Variants in NOS1 observed in about 807,000 individuals in gnomAD.
The protein encoded by NOS1 is nitric oxide synthase 1.
Under a neutral mutation model 164.5 loss-of-function variants are expected in NOS1, and 51 were observed. That is an observed-to-expected ratio of 0.31 (90% CI 0.25 to 0.39). The LOEUF (loss-of-function observed/expected upper bound fraction) is 0.39, where lower values mean the gene tolerates loss of function less well. NOS1 is among the 10% of genes least tolerant of loss of function. The pLI, the probability that NOS1 is intolerant of heterozygous loss-of-function variation, is 1.00. For synonymous variants in NOS1, 719 were observed against 745.8 expected (o/e 0.96, Z 0.59); for missense variants, 1,362 against 1,885.6 (o/e 0.72, Z 5.14).
rs115745602 is a variant in NOS1 at position 117,316,163 on chromosome 12, C to T, written c.726-4571G>A. Among the ~76,000 whole-genome samples the T allele has an allele frequency of 1.7e-3, 264 of 152,212 alleles. 1 individual carries two copies. The highest frequency in any genetic ancestry group is 5.6e-3 in the African/African-American group (232 of 41,536). On this transcript the variant is annotated intron_variant, in intron 2 of 28. Transcript: ENST00000317775. ...AGTCTATATTGTCAGACAGTGCAGC[C>T]GCTGGAAACCTATTAATGTCTCCAA...
At chr12:117,312,191 GCTTA>G (rs745697362) in intron 2 of NOS1, among the ~76,000 whole-genome samples, 1 of 152,050 alleles carries the variant, frequency 6.6e-6, no homozygotes, top group Non-Finnish European at 1.5e-5. Context: ...TTTATTAAAC[GCTTA>G]CTATGTGCCA....
At chr12:117,292,352 G>A (rs1271584440) in intron 3 of NOS1, among the ~76,000 whole-genome samples, 1 of 152,148 alleles carries the variant, frequency 6.6e-6, no homozygotes, top group Non-Finnish European at 1.5e-5. Context: ...AGGAGGTTGA[G>A]TGTGGCTGGA....
chr12:117,219,504 A>G (rs1289206175), intron 27 of NOS1, among the ~76,000 whole-genome samples: 1 of 150,288 alleles, frequency 6.7e-6, no homozygotes, highest in African/African-American at 2.5e-5. Context: ...ACAGGGTTTC[A>G]CTATGTTAGT....
rs564931726 is a variant in NOS1 at position 117,263,985 on chromosome 12, A to G, written c.2137-11T>C. The G allele has an allele frequency of 7.4e-6, 12 of 1,611,786 alleles. 1 individual carries two copies. Among genetic ancestry groups the G allele is most frequent in the Middle Eastern group, 3.3e-4 (2 of 6,052 alleles). Reference sequence around the variant, plus strand: ...GTTCCAGGGATCAGGCTGGGAAGAGAAGGAGAGGGCTATGGTCACTCACTG... The same window carrying G: ...GTTCCAGGGATCAGGCTGGGAAGAGGAGGAGAGGGCTATGGTCACTCACTG... On this transcript the variant is annotated splice_polypyrimidine_tract_variant and intron_variant, in intron 12 of 28. Transcript: ENST00000317775.
intron 1 of NOS1, among the ~76,000 whole-genome samples, chr12:117,351,793 T>C (rs997628565): frequency 3.3e-5 from 5 of 152,224 alleles, no homozygotes; most frequent in African/African-American, 1.2e-4. Flanking sequence ...TTGCCAAGGT[T>C]ACAGAGTGAA....
rs1050101998 is a variant in NOS1, at chr12:117,280,629, A to G, written c.1524+96T>C. On this transcript the variant is annotated intron_variant, in intron 8 of 28. Transcript: ENST00000317775. ...GAAGAGTAAATGACCCCATCAGCGG[A>G]TCTCCTGTGATGATAGCATTAAGCC... The G allele has an allele frequency of 6.8e-5, 87 of 1,272,906 alleles. 1 individual carries two copies. In the South Asian group the frequency reaches 1.2e-3, roughly 17 times the overall value. 78.9% of individuals were successfully genotyped at this position (1,272,906 alleles called of 1,614,324 possible).
intron 4 of NOS1, 131 bp from the exon 5 acceptor site, chr12:117,288,350 T>C (rs1872843211): frequency 2.6e-6 from 2 of 769,842 alleles, no homozygotes; most frequent in South Asian, 2.0e-5. Context: ...GTTTCTCAAG[T>C]ACCAGCTTCA....
chr12:117,275,688 G>T (rs1873125807), intron 9 of NOS1, among the ~76,000 whole-genome samples: 2 of 151,554 alleles, frequency 1.3e-5, no homozygotes, highest in Admixed American at 6.6e-5. Context: ...TGAGACAATG[G>T]GTGTATTAAT....
chr12:117,331,141 G>A lies in NOS1; in HGVS notation c.-72C>T. 2 of 1,536,478 alleles carry A rather than the reference G, an allele frequency of 1.3e-6. No homozygotes were observed. The highest frequency in any genetic ancestry group is 1.8e-6 in the Non-Finnish European group (2 of 1,136,434). On this transcript the variant is annotated 5_prime_UTR_variant, in exon 2 of 29. Transcript: ENST00000317775. ...TCAGGCCAAGATGATTTCACCAGGA[G>A]GATCCAGGCTTCAGGCTACACGGAG...
rs1446237028 is a variant in NOS1, at chr12:117,272,901, A to T, written c.1665-342T>A. Among the ~76,000 whole-genome samples the T allele has an allele frequency of 6.6e-6, 1 of 152,134 alleles. No homozygotes were observed. The highest frequency in any genetic ancestry group is 2.4e-5 in the African/African-American group (1 of 41,440). ...CCCGACTGAGCACCCTCCTACCCTC[A>T]GGGCCTTTGCACAGGCAGCCAAACT... On this transcript the variant is annotated intron_variant, in intron 9 of 28. Coordinates refer to ENST00000317775, the MANE Select transcript of NOS1 (RefSeq NM_000620.5). The surrounding 1 kb of genome is among the most constrained non-coding windows in gnomAD (Gnocchi z 4.3).
At chr12:117,358,335 C>A (rs982383360) in intron 1 of NOS1, among the ~76,000 whole-genome samples, 1 of 152,188 alleles carries the variant, frequency 6.6e-6, no homozygotes, top group Admixed American at 6.6e-5. Context: ...TACCCCCGCC[C>A]TCTCACTCTT....
At chr12:117,217,829 G>A (rs762178952) in intron 28 of NOS1, among the ~76,000 whole-genome samples, 4 of 152,220 alleles carry the variant, frequency 2.6e-5, no homozygotes. Flanking sequence ...TTCCCCTGGA[G>A]AATTAGTTAA....
At chr12:117,360,912 C>T (rs1311115315) in intron 1 of NOS1, among the ~76,000 whole-genome samples, 1 of 152,178 alleles carries the variant, frequency 6.6e-6, no homozygotes, top group Non-Finnish European at 1.5e-5. Context: ...GGCTGAGGAA[C>T]GACTAGGGTC....
chr12:117,350,219 A>G (rs1275593775), intron 1 of NOS1, among the ~76,000 whole-genome samples: 1 of 152,176 alleles, frequency 6.6e-6, no homozygotes, highest in Admixed American at 6.5e-5. Flanking sequence ...GAAATCTATG[A>G]ACCTTTTGTG....
intron 21 of NOS1, among the ~76,000 whole-genome samples, chr12:117,232,483 C>T (rs150698333): frequency 1.6e-4 from 24 of 152,288 alleles, no homozygotes; most frequent in Non-Finnish European, 2.5e-4. Context: ...ATGGTATCAG[C>T]CTCTCACCCC....
At chr12:117,351,009 G>C (rs1876589583) in intron 1 of NOS1, among the ~76,000 whole-genome samples, 2 of 152,180 alleles carry the variant, frequency 1.3e-5, no homozygotes, top group African/African-American at 4.8e-5. Context: ...AGCTACCCAG[G>C]AGGCTGATGC....
chr12:117,277,354 G>A (rs373102174), intron 9 of NOS1, among the ~76,000 whole-genome samples: 5 of 152,024 alleles, frequency 3.3e-5, no homozygotes, highest in African/African-American at 7.2e-5. Flanking sequence ...GGAGGCTGAG[G>A]TGGGAGGATC....
At position 117,243,722 on chromosome 12, in the gene NOS1, A is replaced by T. The variant is rs140677480; in HGVS notation, c.2824-287T>A. 2.3e-3 allele frequency among the ~76,000 whole-genome samples: 353 copies of T among 151,118 alleles called. No individual in the cohort carries two copies. Among genetic ancestry groups the T allele is most frequent in the African/African-American group, 8.0e-3 (329 of 41,104 alleles). ...CATCTACCCTTCCACCCTCCCATCC[A>T]TGTATCTATCTTTCCATCCATCCAT... On this transcript the variant is annotated intron_variant, in intron 18 of 28. Coordinates refer to ENST00000317775, the MANE Select transcript of NOS1 (RefSeq NM_000620.5). The surrounding 1 kb of genome is among the most constrained non-coding windows in gnomAD (Gnocchi z 4.3).
rs1311187977 is a variant in NOS1 at position 117,286,553 on chromosome 12, T to A, written c.1128-287A>T. ...CAGCCACGGCTCCACTCCTGTCAGT[T>A]GTCACCTGACAGGAGTGGGGACCCA... On this transcript the variant is annotated intron_variant, in intron 5 of 28. Coordinates refer to ENST00000317775, the MANE Select transcript of NOS1 (RefSeq NM_000620.5). Among the ~76,000 whole-genome samples, 9 of 152,284 alleles carry A rather than the reference T, an allele frequency of 5.9e-5. No homozygotes were observed. The South Asian group carries it at 1.9e-3, about 32-fold the overall frequency.
Sources: allele counts gnomAD v4.1 joint callset (sites outside exome capture counted in the v4.1 genomes callset), GRCh38; gene constraint gnomAD v4.1.1; non-coding constraint Gnocchi (gnomAD v3.1); transcripts MANE v1.5; gene names NCBI Gene and HGNC (gene_info 2026-07-23, HGNC 2026-07-21).